Variants in BCORL1 observed in about 807,000 individuals in gnomAD.
BCORL1 encodes the protein BCL-6 corepressor-like protein 1.
BCORL1 carries 7 observed loss-of-function variants against 87.6 expected under a neutral mutation model. That is an observed-to-expected ratio of 0.08 (90% confidence interval 0.05 to 0.15). The LOEUF (loss-of-function observed/expected upper bound fraction) is 0.15. Among genes scored for constraint, BCORL1 ranks in the 10% least tolerant of loss-of-function variants. The pLI, the probability that BCORL1 is intolerant of heterozygous loss-of-function variation, is 1.00. For synonymous variants in BCORL1, 591 were observed against 634.4 expected (o/e 0.93, Z 1.03); for missense variants, 1,215 against 1,499.7 (o/e 0.81, Z 3.13).
intron 7 of BCORL1, among the ~76,000 whole-genome samples, chrX:130,027,412 A>T (rs1232019521): frequency 8.9e-6 from 1 of 112,940 alleles, no homozygotes; most frequent in Non-Finnish European, 1.9e-5. Flanking sequence ...CTGGCCTTCC[A>T]GGAACTGTGC....
chrX:130,039,314 C>T, intron 11 of BCORL1, 32 bp downstream of exon 11: 1 of 1,200,445 alleles, frequency 8.3e-7, no homozygotes, highest in Non-Finnish European at 1.1e-6. Flanking sequence ...CACTGTTGTC[C>T]TTGGGGCCAG....
upstream of BCORL1, among the ~76,000 whole-genome samples, chrX:129,980,777 A>G (rs1447126927): frequency 3.4e-5 from 2 of 58,333 alleles, no homozygotes; most frequent in Non-Finnish European, 6.1e-5. Flanking sequence ...GGAGGGGGAA[A>G]CCAGGCCTGG....
In BCORL1 at chrX:130,014,558, G is replaced by A. The variant is rs1231856188; in HGVS notation, c.1786G>A (p.Val596Ile). Residue 596 changes from valine to isoleucine, a missense_variant, in exon 4 of 14, where the codon GTT becomes ATT. Transcript: ENST00000540052. Reference sequence around the variant, plus strand: ...CGAGCAGCAAACAGAAGGGACTTCCGTTACCTTCTCTCCTCTTAAGTCACC... The same window carrying A: ...CGAGCAGCAAACAGAAGGGACTTCCATTACCTTCTCTCCTCTTAAGTCACC... ...GTEQQTEGTS[V>I]TFSPLKSPPQ... 7 of 1,211,396 alleles carry A rather than the reference G, an allele frequency of 5.8e-6. No homozygotes were observed. Among genetic ancestry groups the A allele is most frequent in the African/African-American group, 1.7e-5 (1 of 57,753 alleles).
At chrX:129,990,096 T>C (rs1192236821) in intron 1 of BCORL1, among the ~76,000 whole-genome samples, 1 of 110,531 alleles carries the variant, frequency 9.0e-6, no homozygotes, top group Non-Finnish European at 1.9e-5. Flanking sequence ...CACTTAACTT[T>C]GTTGAGCCTC....
intron 2 of BCORL1, among the ~76,000 whole-genome samples, chrX:130,005,855 A>C (rs1322837533): frequency 1.9e-5 from 2 of 108,030 alleles, no homozygotes; most frequent in Non-Finnish European, 3.8e-5. Context: ...TGAACCCCTG[A>C]GCTCAAGTGA....
At chrX:130,045,389 T>G (rs775615945) in intron 11 of BCORL1, among the ~76,000 whole-genome samples, 1 of 111,428 alleles carries the variant, frequency 9.0e-6, no homozygotes, top group South Asian at 3.9e-4. Flanking sequence ...TCACAGGTTA[T>G]TGTTTTTCCT....
intron 2 of BCORL1, among the ~76,000 whole-genome samples, chrX:130,007,793 G>A (rs985761002): frequency 2.7e-5 from 3 of 111,376 alleles, no homozygotes; most frequent in African/African-American, 9.8e-5. Flanking sequence ...GCAGGACTCC[G>A]TCTCAAAAAC....
Position 130,056,171 on chromosome X carries a change from CG to C in BCORL1, c.*36del. 1.8e-6 allele frequency: 2 copies of C among 1,115,811 alleles called. No homozygotes were observed. The highest frequency in any genetic ancestry group is 3.1e-5 in the Admixed American group (1 of 32,005). 92.0% of individuals were successfully genotyped at this position (1,115,811 alleles called of 1,213,427 possible). ...CAGCCCCTCCTCTTCTTTCTCCTTCCGAGTTCGCCCTTCCCCCACCTCCTTG... is the reference window on the plus strand; with the variant it reads ...CAGCCCCTCCTCTTCTTTCTCCTTCCAGTTCGCCCTTCCCCCACCTCCTTG... On this transcript the variant is annotated 3_prime_UTR_variant, in exon 14 of 14. Coordinates refer to ENST00000540052, the MANE Select transcript of BCORL1 (RefSeq NM_001379451.1).
At chrX:130,047,710 G>A (rs1931840868) in intron 11 of BCORL1, among the ~76,000 whole-genome samples, 1 of 111,749 alleles carries the variant, frequency 8.9e-6, no homozygotes. Flanking sequence ...TGTTGGTTAA[G>A]CAAGCACTTT....
Position 130,015,743 on chromosome X carries a change from A to G in BCORL1, c.2971A>G (p.Met991Val), listed in dbSNP as rs148385554. The G allele has an allele frequency of 8.3e-7, 1 of 1,211,625 alleles. No homozygotes were observed. Among genetic ancestry groups the G allele is most frequent in the Non-Finnish European group, 1.1e-6 (1 of 895,469 alleles). The change falls in exon 4 of 14, where the codon ATG (methionine) becomes GTG (valine). Residue 991 changes from methionine (M) to valine (V), a missense_variant. Coordinates refer to ENST00000540052, the MANE Select transcript of BCORL1 (RefSeq NM_001379451.1). ...KPKNQVLATY[M>V]SHELVLATPQ... ...TAAGAACCAAGTGCTGGCCACCTAC[A>G]TGTCCCATGAGCTGGTCCTGGCCAC...
At chrX:130,023,596 G>A (rs899502362) in intron 6 of BCORL1, among the ~76,000 whole-genome samples, 4 of 112,224 alleles carry the variant, frequency 3.6e-5, no homozygotes, top group Non-Finnish European at 7.5e-5. Flanking sequence ...GCAAGGTATA[G>A]TGTAAACTCA....
intron 13 of BCORL1, among the ~76,000 whole-genome samples, chrX:130,055,158 C>G (rs932977372): frequency 8.9e-6 from 1 of 112,075 alleles, no homozygotes; most frequent in African/African-American, 3.2e-5. Context: ...GGCCCGGGAT[C>G]GGCCTCTCCA....
At position 129,990,482 on chromosome X, in the gene BCORL1, T is replaced by C. The variant is rs775192918; in HGVS notation, c.-45+7720T>C. ...TCCTCACCTCGTGATCCGCCCGCCT[T>C]GGCCTCCCAAAGTGCTGGGATTACA... On this transcript the variant is annotated intron_variant, in intron 1 of 13. Coordinates refer to ENST00000540052, the MANE Select transcript of BCORL1 (RefSeq NM_001379451.1). 2.8e-3 allele frequency among the ~76,000 whole-genome samples: 307 copies of C among 108,227 alleles called. 1 individual carries two copies. Among genetic ancestry groups the C allele is most frequent in the Non-Finnish European group, 4.2e-3 (216 of 51,638 alleles). The allele number at this position is 108,227 out of a possible 115,157, so 94.0% of individuals were successfully genotyped here.
At chrX:130,006,421 C>T (rs934418307) in intron 2 of BCORL1, among the ~76,000 whole-genome samples, 9 of 104,767 alleles carry the variant, frequency 8.6e-5, no homozygotes, top group Non-Finnish European at 1.8e-4. Flanking sequence ...AGTGCAGTGG[C>T]GCGATCTCGG....
intron 1 of BCORL1, among the ~76,000 whole-genome samples, chrX:129,984,707 C>G (rs1926460410): frequency 9.1e-6 from 1 of 109,306 alleles, no homozygotes; most frequent in East Asian, 2.9e-4. Flanking sequence ...TAGGGAAAGA[C>G]GTGGTCGAGG....
intron 1 of BCORL1, among the ~76,000 whole-genome samples, chrX:130,001,059 C>G (rs1928007999): frequency 9.0e-6 from 1 of 110,788 alleles, no homozygotes; most frequent in African/African-American, 3.3e-5. Flanking sequence ...GTGGAGGAAA[C>G]AAAGACAAAA....
rs540600261 is a variant in BCORL1, at chrX:130,023,919, T to C, written c.3688+942T>C. Among the ~76,000 whole-genome samples, 3 of 112,702 alleles carry C rather than the reference T, an allele frequency of 2.7e-5. No homozygotes were observed. In the East Asian group the frequency reaches 8.3e-4, roughly 31 times the overall value. ...GCTGTTATTTGCTGTCTTTTAGCAG[T>C]GTGACTAACTTGAAGCTTTGGTCAA... On this transcript the variant is annotated intron_variant, in intron 6 of 13. Transcript: ENST00000540052.
intron 11 of BCORL1, among the ~76,000 whole-genome samples, chrX:130,045,101 G>A (rs930105472): frequency 8.9e-6 from 1 of 111,929 alleles, no homozygotes; most frequent in Non-Finnish European, 1.9e-5. Context: ...GGCTTGGAGC[G>A]CCAAGCCATC....
chrX:130,003,452 A>G (rs777323521), intron 1 of BCORL1, among the ~76,000 whole-genome samples: 1 of 105,214 alleles, frequency 9.5e-6, no homozygotes, highest in Non-Finnish European at 1.9e-5. Flanking sequence ...AGCTCGCCGC[A>G]ACCTCTGCCT....
Sources: allele counts gnomAD v4.1 joint callset (sites outside exome capture counted in the v4.1 genomes callset), GRCh38; gene constraint gnomAD v4.1.1; transcripts MANE v1.5; gene names NCBI Gene and HGNC (gene_info 2026-07-23, HGNC 2026-07-21).